LSM12: variants seen among roughly 807,000 people sequenced by gnomAD.
LSM12 encodes protein LSM12.
For synonymous variants in LSM12, 74 were observed against 87.3 expected (o/e 0.85, Z 0.85); for missense variants, 108 against 238.9 (o/e 0.45, Z 3.61).
At chr17:44,057,799 A>G (rs2049738240) in intron 2 of LSM12, among the ~76,000 whole-genome samples, 2 of 151,898 alleles carry the variant, frequency 1.3e-5, no homozygotes, top group African/African-American at 4.8e-5. Flanking sequence ...TAATACATAA[A>G]GTCAAAGTTT....
chr17:44,064,550 T>C (rs1379710973), intron 1 of LSM12, among the ~76,000 whole-genome samples: 3 of 150,426 alleles, frequency 2.0e-5, no homozygotes, highest in Non-Finnish European at 4.4e-5. Context: ...CTGGCCAAAG[T>C]GGCAAAACCC....
At chr17:44,066,398 C>T in intron 1 of LSM12, 66 bp downstream of exon 1, 2 of 1,481,898 alleles carry the variant, frequency 1.3e-6, no homozygotes, top group Non-Finnish European at 1.8e-6. Flanking sequence ...CCGCCGTCGT[C>T]CCCCACCCCC....
chr17:44,057,210 C>T (rs1176181473), intron 2 of LSM12, among the ~76,000 whole-genome samples: 7 of 148,120 alleles, frequency 4.7e-5, no homozygotes, highest in African/African-American at 1.5e-4. Flanking sequence ...AGTGCAGTGG[C>T]GCGATCTCAG....
At chr17:44,065,182 C>T (rs1468781848) in intron 1 of LSM12, among the ~76,000 whole-genome samples, 1 of 151,924 alleles carries the variant, frequency 6.6e-6, no homozygotes, top group Non-Finnish European at 1.5e-5. Context: ...GGCCTGTAAT[C>T]CCAGCACTTT....
chr17:44,051,405 A>AT (rs2049642490), intron 2 of LSM12, among the ~76,000 whole-genome samples: 1 of 148,868 alleles, frequency 6.7e-6, no homozygotes, highest in South Asian at 2.1e-4. Context: ...AAAAAAAAAA[A>AT]AAAAAAAAAA....
At chr17:44,047,146 G>C (rs972682667) in intron 2 of LSM12, among the ~76,000 whole-genome samples, 1 of 152,130 alleles carries the variant, frequency 6.6e-6, no homozygotes, top group African/African-American at 2.4e-5. Context: ...GTTTTCACTT[G>C]TACTTCCCTT....
chr17:44,044,339 C>A (rs1597885776), intron 2 of LSM12, among the ~76,000 whole-genome samples: 1 of 151,904 alleles, frequency 6.6e-6, no homozygotes, highest in South Asian at 2.1e-4. Flanking sequence ...TCAAAATACA[C>A]CCCCCACCCC....
At chr17:44,060,782 A>G (rs1451371169) in intron 2 of LSM12, among the ~76,000 whole-genome samples, 3 of 152,218 alleles carry the variant, frequency 2.0e-5, no homozygotes, top group Non-Finnish European at 2.9e-5. Flanking sequence ...ACCAAGAGCT[A>G]TATCTACCTG....
In LSM12 at chr17:44,066,555, A is replaced by G; in HGVS notation, c.33T>C (p.Val11=). Residue 11 remains valine (V), a synonymous_variant, in exon 1 of 5, where the codon GTT becomes GTC. Transcript: ENST00000293406. MAAPPGEYFS[V]GSQVSCRTCQ... ...ACGTCCGGCACGACACCTGGCTCCCAACGCTGAAGTACTCGCCCGGAGGAG... is the reference window on the plus strand; with the variant it reads ...ACGTCCGGCACGACACCTGGCTCCCGACGCTGAAGTACTCGCCCGGAGGAG... 1 of 1,504,020 alleles carries G rather than the reference A, an allele frequency of 6.6e-7. No homozygotes were observed. Among genetic ancestry groups the G allele is most frequent in the Non-Finnish European group, 8.9e-7 (1 of 1,126,434 alleles). 93.2% of individuals were successfully genotyped at this position (1,504,020 alleles called of 1,614,324 possible). A position where few individuals can be genotyped will look rare whatever the true frequency, so the allele number is the denominator to read the frequency against.
intron 2 of LSM12, among the ~76,000 whole-genome samples, chr17:44,057,447 T>TG: frequency 6.7e-6 from 1 of 148,832 alleles, no homozygotes; most frequent in Non-Finnish European, 1.5e-5. Flanking sequence ...CGTGCCTGGG[T>TG]GAGACTTCAT....
At chr17:44,043,086 T>C (rs1227117965) in intron 2 of LSM12, among the ~76,000 whole-genome samples, 1 of 152,118 alleles carries the variant, frequency 6.6e-6, no homozygotes, top group Non-Finnish European at 1.5e-5. Flanking sequence ...AAGGCTTAGG[T>C]TTGACTATGA....
rs1452221976 is a variant in LSM12 at position 44,036,181 on chromosome 17, C to A, written c.*27G>T. ...CCACCAGCGCCTCCTTGGCTGGATG[C>A]TGGAAGAGTCCTCCATGTGTACGGA... On this transcript the variant is annotated 3_prime_UTR_variant, in exon 5 of 5. Coordinates refer to ENST00000293406, the MANE Select transcript of LSM12 (RefSeq NM_001371445.1). 1 of 1,604,700 alleles carries A rather than the reference C, an allele frequency of 6.2e-7. No homozygotes were observed. Among genetic ancestry groups the A allele is most frequent in the African/African-American group, 1.4e-5 (1 of 73,520 alleles).
In LSM12 at chr17:44,051,722, C is replaced by T. The variant is rs990516081; in HGVS notation, c.259-11466G>A. On this transcript the variant is annotated intron_variant, in intron 2 of 4. Coordinates refer to ENST00000293406, the MANE Select transcript of LSM12 (RefSeq NM_001371445.1). ...GGATTAGTGGCTCATACCTGTAACCCTAACACTTTAGGAGGCCAAGACAGG... is the reference window on the plus strand; with the variant it reads ...GGATTAGTGGCTCATACCTGTAACCTTAACACTTTAGGAGGCCAAGACAGG... Among the ~76,000 whole-genome samples, 10 of 152,072 alleles carry T rather than the reference C, an allele frequency of 6.6e-5. No homozygotes were observed. In the South Asian group the frequency reaches 2.1e-3, roughly 31 times the overall value.
chr17:44,055,554 G>A (rs1020083596), intron 2 of LSM12, among the ~76,000 whole-genome samples: 3 of 149,648 alleles, frequency 2.0e-5, no homozygotes, highest in African/African-American at 4.9e-5. Flanking sequence ...GCGCATGCCT[G>A]TAGTCCCAGC....
At position 44,034,643 on chromosome 17, in the gene LSM12, A is replaced by G. The variant is rs1218464934; in HGVS notation, c.*1565T>C. 6.6e-6 allele frequency: 1 copy of G among 152,494 alleles called. No individual in the cohort carries two copies. Among genetic ancestry groups the G allele is most frequent in the Non-Finnish European group, 1.5e-5 (1 of 68,024 alleles). The allele number at this position is 152,494 out of a possible 1,614,324, so 9.4% of individuals were successfully genotyped here. ...CAAACCTGAGACATGAGTGATGGTT[A>G]AAAAAATTTGGGTTTTATTGTTTTT... is the stretch of plus-strand genomic sequence containing the variant. On this transcript the variant is annotated 3_prime_UTR_variant, in exon 5 of 5. Coordinates refer to ENST00000293406, the MANE Select transcript of LSM12 (RefSeq NM_001371445.1).
chr17:44,060,537 C>T (rs990028650), intron 2 of LSM12, among the ~76,000 whole-genome samples: 6 of 152,142 alleles, frequency 3.9e-5, no homozygotes, highest in East Asian at 1.9e-4. Flanking sequence ...AATGAATAAA[C>T]GAAATCCAAA....
intron 2 of LSM12, among the ~76,000 whole-genome samples, chr17:44,057,519 T>C (rs2049733214): frequency 6.7e-6 from 1 of 150,372 alleles, no homozygotes; most frequent in Non-Finnish European, 1.5e-5. Flanking sequence ...CCCAGCACTT[T>C]GGGAGGCGGA....
intron 3 of LSM12, 42 bp downstream of exon 3, chr17:44,040,105 A>G: frequency 6.9e-7 from 1 of 1,453,566 alleles, no homozygotes; most frequent in Non-Finnish European, 9.6e-7. Context: ...ACAACCAGGT[A>G]GCATTACCCC....
At chr17:44,040,955 T>C (rs532687760) in intron 2 of LSM12, among the ~76,000 whole-genome samples, 167 of 151,582 alleles carry the variant, frequency 1.1e-3, no homozygotes, top group Non-Finnish European at 2.1e-3. Flanking sequence ...CACTCTAGCC[T>C]GGGTGACAGA....
Sources: allele counts gnomAD v4.1 joint callset (sites outside exome capture counted in the v4.1 genomes callset), GRCh38; gene constraint gnomAD v4.1.1; transcripts MANE v1.5; gene names NCBI Gene and HGNC (gene_info 2026-07-23, HGNC 2026-07-21).